SCAPER: variants seen among roughly 807,000 people sequenced by gnomAD.
SCAPER encodes the protein S phase cyclin A-associated protein in the endoplasmic reticulum.
A neutral mutation model predicts 182.2 loss-of-function variants in SCAPER; 98 were observed. The observed-to-expected ratio is 0.54, with a 90% CI of 0.46 to 0.64. The LOEUF (loss-of-function observed/expected upper bound fraction) is 0.64. SCAPER is among the 30% of genes least tolerant of loss of function. SCAPER has a pLI of 0.00. For synonymous variants in SCAPER, 605 were observed against 564.6 expected (o/e 1.07, Z -1.01); for missense variants, 1,432 against 1,690.0 (o/e 0.85, Z 2.68).
At chr15:76,375,119 G>A (rs150364531) in intron 29 of SCAPER, among the ~76,000 whole-genome samples, 102 of 147,006 alleles carry the variant, frequency 6.9e-4, no homozygotes, top group African/African-American at 2.3e-3. Context: ...TCAGGAGGCT[G>A]AGATGGGAGG....
At chr15:76,857,197 C>A (rs1171941608) in intron 4 of SCAPER, among the ~76,000 whole-genome samples, 1 of 152,084 alleles carries the variant, frequency 6.6e-6, no homozygotes, top group African/African-American at 2.4e-5. Context: ...CTTTGGGAGG[C>A]CAAGGCAGGT....
intron 18 of SCAPER, among the ~76,000 whole-genome samples, chr15:76,703,858 C>T (rs1412987793): frequency 1.3e-5 from 2 of 152,124 alleles, no homozygotes; most frequent in Non-Finnish European, 2.9e-5. Flanking sequence ...TCAATAAATA[C>T]CTGCTACAAT....
At chr15:76,626,551 T>C (rs2052591699) in intron 21 of SCAPER, among the ~76,000 whole-genome samples, 1 of 152,172 alleles carries the variant, frequency 6.6e-6, no homozygotes, top group Admixed American at 6.5e-5. Flanking sequence ...TCCCTGTCTC[T>C]ACTAAAAATA....
chr15:76,519,974 T>C (rs923394148), intron 23 of SCAPER, among the ~76,000 whole-genome samples: 2 of 152,194 alleles, frequency 1.3e-5, no homozygotes, highest in African/African-American at 4.8e-5. Flanking sequence ...CCTGGGATCT[T>C]TGTAGTATCT....
intron 4 of SCAPER, among the ~76,000 whole-genome samples, chr15:76,851,215 T>C (rs2070723828): frequency 6.6e-6 from 1 of 151,392 alleles, no homozygotes; most frequent in African/African-American, 2.4e-5. Context: ...TGTGAATCAC[T>C]GGCATCCCTG....
At chr15:76,901,501 G>C (rs137978277) in intron 1 of SCAPER, among the ~76,000 whole-genome samples, 99 of 152,228 alleles carry the variant, frequency 6.5e-4, no homozygotes, top group African/African-American at 2.2e-3. Flanking sequence ...AATTTAGTGA[G>C]GAGGTAACTT....
At chr15:76,523,896 C>T (rs1319938607) in intron 23 of SCAPER, among the ~76,000 whole-genome samples, 1 of 152,096 alleles carries the variant, frequency 6.6e-6, no homozygotes, top group Non-Finnish European at 1.5e-5. Context: ...GGTGACTTCA[C>T]TTAACCTCTC....
chr15:76,799,168 G>A (rs764798756), intron 7 of SCAPER, among the ~76,000 whole-genome samples: 9 of 152,088 alleles, frequency 5.9e-5, no homozygotes, highest in Non-Finnish European at 1.2e-4. Flanking sequence ...TATTGCAAAG[G>A]AAATTGTTAA....
intron 27 of SCAPER, among the ~76,000 whole-genome samples, chr15:76,382,534 C>T (rs1201238537): frequency 2.0e-5 from 3 of 151,866 alleles, no homozygotes; most frequent in Non-Finnish European, 4.4e-5. Flanking sequence ...CATCTAGAGG[C>T]CAAGAGCAGG....
Position 76,775,099 on chromosome 15 carries a change from C to A in SCAPER, c.791G>T (p.Gly264Val). The change falls in exon 9 of 32, where the codon GGA (glycine) becomes GTA (valine). Residue 264 changes from glycine (G) to valine (V), a missense_variant. Transcript: ENST00000563290. ...CCTTCCTCTCTGAACGGTCTCCCAT[C>A]CTTCAGCATCTTTCCGTTCTATGCA... ...SRKNERKDAE[G>V]WETVQRGRPI... The A allele has an allele frequency of 2.5e-6, 4 of 1,612,542 alleles. No individual in the cohort carries two copies. Among genetic ancestry groups the A allele is most frequent in the Non-Finnish European group, 3.4e-6 (4 of 1,179,212 alleles).
intron 9 of SCAPER, among the ~76,000 whole-genome samples, chr15:76,773,806 G>A (rs1380294926): frequency 6.6e-6 from 1 of 151,674 alleles, no homozygotes; most frequent in Non-Finnish European, 1.5e-5. Context: ...ATATTATTCT[G>A]GACCAAAGAT....
At chr15:76,752,292 A>C (rs931242575) in intron 15 of SCAPER, among the ~76,000 whole-genome samples, 1 of 151,808 alleles carries the variant, frequency 6.6e-6, no homozygotes, top group Non-Finnish European at 1.5e-5. Flanking sequence ...GAATATAAAA[A>C]TGGTGAACTA....
intron 22 of SCAPER, among the ~76,000 whole-genome samples, chr15:76,618,861 T>C (rs1430561737): frequency 4.6e-5 from 7 of 152,248 alleles, no homozygotes; most frequent in African/African-American, 1.4e-4. Flanking sequence ...TATTATTATT[T>C]TGAGATGGAG....
intron 28 of SCAPER, chr15:76,380,822 G>T (rs1048576039): frequency 2.0e-5 from 3 of 152,184 alleles, no homozygotes; most frequent in African/African-American, 7.2e-5. Context: ...CATAGCTAAA[G>T]ATGCAAATCC....
intron 28 of SCAPER, among the ~76,000 whole-genome samples, chr15:76,378,674 A>C (rs572106302): frequency 4.0e-4 from 61 of 152,188 alleles, no homozygotes; most frequent in African/African-American, 1.4e-3. Flanking sequence ...TTCAACCAAT[A>C]AAGTATGGTT....
chr15:76,880,675 A>G (rs1215635616), intron 2 of SCAPER, among the ~76,000 whole-genome samples: 2 of 152,160 alleles, frequency 1.3e-5, no homozygotes, highest in Non-Finnish European at 2.9e-5. Context: ...AGCTATAAAA[A>G]GAAACGAAGA....
At chr15:76,738,335 T>C (rs1033063612) in intron 15 of SCAPER, among the ~76,000 whole-genome samples, 1 of 152,144 alleles carries the variant, frequency 6.6e-6, no homozygotes, top group African/African-American at 2.4e-5. Context: ...CTTGCTAAGT[T>C]GCACAGGCTC....
intron 2 of SCAPER, among the ~76,000 whole-genome samples, chr15:76,873,673 G>T (rs1481511849): frequency 6.6e-6 from 1 of 151,964 alleles, no homozygotes; most frequent in African/African-American, 2.4e-5. Flanking sequence ...CAATATAGAA[G>T]ATTTGAACAA....
At chr15:76,851,010 C>A in intron 4 of SCAPER, among the ~76,000 whole-genome samples, 1 of 151,396 alleles carries the variant, frequency 6.6e-6, no homozygotes, top group Non-Finnish European at 1.5e-5. Flanking sequence ...TAAAAAAGAA[C>A]CTAACAGATC....
Sources: allele counts gnomAD v4.1 joint callset (sites outside exome capture counted in the v4.1 genomes callset), GRCh38; gene constraint gnomAD v4.1.1; transcripts MANE v1.5; gene names NCBI Gene and HGNC (gene_info 2026-07-23, HGNC 2026-07-21).